The following ZNF549 variants were observed in gnomAD, a reference collection of about 807,000 sequenced individuals.
ZNF549 encodes zinc finger protein 549.
A neutral mutation model predicts 11.1 loss-of-function variants in ZNF549; 11 were observed. That is an observed-to-expected ratio of 0.99 (90% CI 0.62 to 1.64). The LOEUF is 1.64. Among genes scored for constraint, ZNF549 ranks in the 40% most tolerant of loss-of-function variants. ZNF549 has a pLI of 0.00. For missense variants in ZNF549, 748 were observed against 765.1 expected, an observed-to-expected ratio of 0.98 and a Z score of 0.26; for synonymous variants, 266 against 269.1, an observed-to-expected ratio of 0.99 and a Z score of 0.11.
rs200132064 is a variant in ZNF549 at position 57,537,248 on chromosome 19, A to G, written c.244A>G (p.Thr82Ala). The G allele has an allele frequency of 5.0e-6, 8 of 1,613,380 alleles. No individual in the cohort carries two copies. The Admixed American group carries it at 6.7e-5, about 13-fold the overall frequency. Residue 82 changes from threonine to alanine, a missense_variant, in exon 4 of 4, where the codon ACT becomes GCT. Thr to Ala is a moderately conservative substitution (Grantham distance 58). Transcript: ENST00000376233. ...GGCTGAGGAGGCCCCTTCTGAGCAG[A>G]CTCTTTCTGCGCAAGGAGTGTCACA... ...IEAEEAPSEQ[T>A]LSAQGVSQAR...
At chr19:57,535,049 A>T in intron 2 of ZNF549, 95 bp from the exon 3 acceptor site, 1 of 1,481,768 alleles carries the variant, frequency 6.7e-7, no homozygotes, top group Non-Finnish European at 9.2e-7. Flanking sequence ...AGGACCTGGT[A>T]TCTCCTCTGA....
At position 57,527,701 on chromosome 19, in the gene ZNF549, A is replaced by G. The variant is rs2089884727; in HGVS notation, c.33+95A>G. On this transcript the variant is annotated intron_variant, in intron 1 of 3. Coordinates refer to ENST00000376233, the MANE Select transcript of ZNF549 (RefSeq NM_001199295.2). ...CTGCAGTTCAGGCCTCTTCTCCAGG[A>G]CAGCGAGGAGTTCTGGGTGGGGTCC... is the stretch of plus-strand genomic sequence containing the variant. 6.1e-6 allele frequency: 9 copies of G among 1,481,420 alleles called. No individual in the cohort carries two copies. In the South Asian group the frequency reaches 1.1e-4, roughly 18 times the overall value. The allele number at this position is 1,481,420 out of a possible 1,614,324, so 91.8% of individuals were successfully genotyped here.
chr19:57,527,810 G>A (rs2089885445), intron 1 of ZNF549, among the ~76,000 whole-genome samples: 1 of 152,170 alleles, frequency 6.6e-6, no homozygotes, highest in Non-Finnish European at 1.5e-5. Flanking sequence ...GAGGTGCGCC[G>A]GGGTCGCGAG....
chr19:57,533,335 AG>A (rs1188211286), intron 2 of ZNF549, among the ~76,000 whole-genome samples: 1 of 152,188 alleles, frequency 6.6e-6, no homozygotes, highest in Non-Finnish European at 1.5e-5. Context: ...TATGTGGAAG[AG>A]GAATACTAGA....
At position 57,537,873 on chromosome 19, in the gene ZNF549, T is replaced by A; in HGVS notation, c.869T>A (p.Leu290His). ...CGKSFLHKQT[L>H]VGHQQRIHTR... Reference sequence around the variant, plus strand: ...AAATCATTCCTCCATAAACAAACACTCGTTGGGCACCAGCAGAGAATTCAC... The same window carrying A: ...AAATCATTCCTCCATAAACAAACACACGTTGGGCACCAGCAGAGAATTCAC... Residue 290 changes from leucine to histidine, a missense_variant, in exon 4 of 4, where the codon CTC becomes CAC. By Grantham distance (99) the Leu-to-His change is moderately conservative. Transcript: ENST00000376233. 1 of 1,613,600 alleles carries A rather than the reference T, an allele frequency of 6.2e-7. No individual in the cohort carries two copies. The highest frequency in any genetic ancestry group is 1.3e-5 in the African/African-American group (1 of 74,886).
Position 57,540,465 on chromosome 19 carries a change from A to G in ZNF549, c.*1538A>G, listed in dbSNP as rs368522922. ...TCTCAGTAAGTGTCTTGTCTTAGAA[A>G]TATGTGTGTATAGGCTGGGTGCGGT... On this transcript the variant is annotated 3_prime_UTR_variant, in exon 4 of 4. Coordinates refer to ENST00000376233, the MANE Select transcript of ZNF549 (RefSeq NM_001199295.2). 2.4e-4 allele frequency: 37 copies of G among 152,338 alleles called. No individual in the cohort carries two copies. Among genetic ancestry groups the G allele is most frequent in the African/African-American group, 7.9e-4 (33 of 41,568 alleles). 9.4% of individuals were successfully genotyped at this position (152,338 alleles called of 1,614,324 possible). A position where few individuals can be genotyped will look rare whatever the true frequency, so the allele number is the denominator to read the frequency against.
rs374122957 is a variant in ZNF549 at position 57,537,900 on chromosome 19, C to T, written c.896C>T (p.Thr299Ile). The T allele has an allele frequency of 8.1e-6, 13 of 1,613,708 alleles. No homozygotes were observed. Among genetic ancestry groups the T allele is most frequent in the Non-Finnish European group, 1.0e-5 (12 of 1,179,870 alleles). Residue 299 changes from threonine (T) to isoleucine (I), a missense_variant, in exon 4 of 4, where the codon ACT becomes ATT. Coordinates refer to ENST00000376233, the MANE Select transcript of ZNF549 (RefSeq NM_001199295.2). ...TLVGHQQRIH[T>I]RERSYVCIEC... Reference sequence around the variant, plus strand: ...GTTGGGCACCAGCAGAGAATTCACACTAGAGAAAGGTCTTATGTGTGCATC... The same window carrying T: ...GTTGGGCACCAGCAGAGAATTCACATTAGAGAAAGGTCTTATGTGTGCATC...
At position 57,538,878 on chromosome 19, in the gene ZNF549, G is replaced by A. The variant is rs2089941842; in HGVS notation, c.1874G>A (p.Arg625Lys). The change falls in exon 4 of 4, where the codon AGA becomes AAA. Residue 625 changes from arginine (R) to lysine (K), a missense_variant. Coordinates refer to ENST00000376233, the MANE Select transcript of ZNF549 (RefSeq NM_001199295.2). Reference sequence around the variant, plus strand: ...AAATGTGGGAAAGCCTTCAACAAAAGATATTCCCTTGTCAGGCACCAGAAG... The same window carrying A: ...AAATGTGGGAAAGCCTTCAACAAAAAATATTCCCTTGTCAGGCACCAGAAG... ...CGKCGKAFNK[R>K]YSLVRHQKVH... 2 of 1,610,374 alleles carry A rather than the reference G, an allele frequency of 1.2e-6. No individual in the cohort carries two copies. The highest frequency in any genetic ancestry group is 1.7e-6 in the Non-Finnish European group (2 of 1,179,994).
intron 2 of ZNF549, among the ~76,000 whole-genome samples, chr19:57,534,052 G>A (rs1163968809): frequency 6.6e-6 from 1 of 152,138 alleles, no homozygotes; most frequent in Non-Finnish European, 1.5e-5. Flanking sequence ...CTATCCGTCA[G>A]CCAGTGGCTG....
chr19:57,528,556 C>T (rs1463713640), intron 1 of ZNF549, among the ~76,000 whole-genome samples: 1 of 152,094 alleles, frequency 6.6e-6, no homozygotes, highest in Non-Finnish European at 1.5e-5. Context: ...TCGGCCTTGG[C>T]GAAGCTGCCT....
chr19:57,537,812 A>G lies in ZNF549; in HGVS notation c.808A>G (p.Asn270Asp), dbSNP rs199706468. ...YLFVEHQRTH[N>D]AEKPYVCNIC... ...ATTTGTTGAACACCAGAGAACCCATAATGCAGAAAAGCCTTATGTGTGCAA... is the reference window on the plus strand; with the variant it reads ...ATTTGTTGAACACCAGAGAACCCATGATGCAGAAAAGCCTTATGTGTGCAA... The change falls in exon 4 of 4, where the codon AAT becomes GAT. Residue 270 changes from asparagine (N) to aspartate (D), a missense_variant. Coordinates refer to ENST00000376233, the MANE Select transcript of ZNF549 (RefSeq NM_001199295.2). 1.2e-5 allele frequency: 19 copies of G among 1,614,258 alleles called. No individual in the cohort carries two copies. The East Asian group carries it at 1.8e-4, about 15-fold the overall frequency.
chr19:57,527,869 T>G (rs1460368971), intron 1 of ZNF549, among the ~76,000 whole-genome samples: 3 of 151,962 alleles, frequency 2.0e-5, no homozygotes, highest in South Asian at 2.1e-4. Context: ...GCAGAGAGAA[T>G]GAGGAGAAGA....
At chr19:57,531,230 C>A in intron 2 of ZNF549, 122 bp downstream of exon 2, 1 of 923,694 alleles carries the variant, frequency 1.1e-6, no homozygotes. Context: ...GTCCCTGGGG[C>A]CACCTCAGGC....
Position 57,537,457 on chromosome 19 carries a change from GA to G in ZNF549, c.455del (p.Asn152ThrfsTer19). On this transcript the variant is annotated frameshift_variant, in exon 4 of 4. Coordinates refer to ENST00000376233, the MANE Select transcript of ZNF549 (RefSeq NM_001199295.2). LOFTEE classifies it low-confidence loss of function (END_TRUNC). Reference protein sequence around the residue: ...SFGSNLQQHQNQDSGEKHIRK... With the variant: ...SFGSNLQQHQXQDSGEKHIRK... ...TTGGTTCTAACCTGCAACAGCACCAGAACCAGGACAGTGGAGAGAAACACAT... is the reference window on the plus strand; with the variant it reads ...TTGGTTCTAACCTGCAACAGCACCAGACCAGGACAGTGGAGAGAAACACAT... 2.5e-6 allele frequency: 4 copies of G among 1,614,226 alleles called. No individual in the cohort carries two copies. Among genetic ancestry groups the G allele is most frequent in the Non-Finnish European group, 3.4e-6 (4 of 1,180,042 alleles).
rs1001370288 is a variant in ZNF549, at chr19:57,540,177, A to G, written c.*1250A>G. The stretch of plus-strand genomic sequence containing the variant: ...CCCAGATCTGTTGTGCCAGTTAGGA[A>G]TTATCTTTATTACTTCCCGTTTATT... On this transcript the variant is annotated 3_prime_UTR_variant, in exon 4 of 4. Coordinates refer to ENST00000376233, the MANE Select transcript of ZNF549 (RefSeq NM_001199295.2). The G allele has an allele frequency of 6.6e-6, 1 of 152,186 alleles. No homozygotes were observed. The highest frequency in any genetic ancestry group is 1.5e-5 in the Non-Finnish European group (1 of 68,042). 9.4% of individuals were successfully genotyped at this position (152,186 alleles called of 1,614,324 possible).
chr19:57,530,296 G>A (rs1301127009), intron 1 of ZNF549, among the ~76,000 whole-genome samples: 2 of 152,202 alleles, frequency 1.3e-5, no homozygotes, highest in Admixed American at 6.5e-5. Flanking sequence ...CTTCAAGGTT[G>A]TGAACACTTG....
intron 1 of ZNF549, among the ~76,000 whole-genome samples, chr19:57,530,206 C>T (rs1474673122): frequency 6.6e-6 from 1 of 152,106 alleles, no homozygotes; most frequent in Non-Finnish European, 1.5e-5. Context: ...GAACTTTGAG[C>T]CCCACCTCTG....
intron 3 of ZNF549, among the ~76,000 whole-genome samples, chr19:57,536,599 T>C (rs757937420): frequency 1.2e-4 from 19 of 152,164 alleles, no homozygotes; most frequent in South Asian, 2.1e-4. Context: ...AGGTCTCCCC[T>C]GTCTCCATCA....
At position 57,537,202 on chromosome 19, in the gene ZNF549, A is replaced by G. The variant is rs1600165595; in HGVS notation, c.200-2A>G. ...ACTTCACTTGCATTTTTATGCTTTT[A>G]GGTTGTTTGCATGGAATAGAGGCTG... On this transcript the variant is annotated splice_acceptor_variant, in intron 3 of 3. Transcript: ENST00000376233. LOFTEE classifies it high-confidence loss of function. The G allele has an allele frequency of 6.2e-7, 1 of 1,607,410 alleles. No individual in the cohort carries two copies. Among genetic ancestry groups the G allele is most frequent in the Non-Finnish European group, 8.5e-7 (1 of 1,176,458 alleles).
Sources: allele counts gnomAD v4.1 joint callset (sites outside exome capture counted in the v4.1 genomes callset), GRCh38; gene constraint gnomAD v4.1.1; transcripts MANE v1.5; gene names NCBI Gene and HGNC (gene_info 2026-07-23, HGNC 2026-07-21).